The following C10orf90 variants were observed in gnomAD, a reference collection of about 807,000 sequenced individuals.
C10orf90 encodes (E2-independent) E3 ubiquitin-conjugating enzyme FATS.
A neutral mutation model predicts 62.5 loss-of-function variants in C10orf90; 56 were observed. The observed-to-expected ratio is 0.90, with a 90% CI of 0.72 to 1.12. The LOEUF (loss-of-function observed/expected upper bound fraction) is 1.12, where lower values mean the gene tolerates loss of function less well. C10orf90 is among the 50% of genes most tolerant of loss of function. The pLI, the probability that C10orf90 is intolerant of heterozygous loss-of-function variation, is 0.00. For missense variants in C10orf90, 970 were observed against 880.4 expected (o/e 1.10, Z -1.29); for synonymous variants, 386 against 340.4 (o/e 1.13, Z -1.47).
In C10orf90 at chr10:126,504,367, G is replaced by C; in HGVS notation, c.1124C>G (p.Pro375Arg). 1 of 1,614,174 alleles carries C rather than the reference G, an allele frequency of 6.2e-7. No individual in the cohort carries two copies. The highest frequency in any genetic ancestry group is 8.5e-7 in the Non-Finnish European group (1 of 1,180,048). Residue 375 changes from proline to arginine, a missense_variant, in exon 4 of 10, where the codon CCT becomes CGT. Coordinates refer to ENST00000488181, the MANE Select transcript of C10orf90 (RefSeq NM_001350921.2). This position sits in a 1 kb window ranked among gnomAD's most constrained non-coding sequence, Gnocchi z 4.1. The part of the protein sequence containing the change: ...DKSLSVPIEP[P>R]QIASPKMHRS... ...GTGCATTTTGGGGCTGGCAATTTGA[G>C]GTGGCTCAATGGGGACGGAGAGAGA...
intron 2 of C10orf90, among the ~76,000 whole-genome samples, chr10:126,572,458 A>T (rs1299197033): frequency 6.6e-6 from 1 of 152,140 alleles, no homozygotes; most frequent in Non-Finnish European, 1.5e-5. Flanking sequence ...TTTTATGGTT[A>T]TTTCTTGGTG....
At chr10:126,595,684 T>C (rs1165987954) in intron 2 of C10orf90, among the ~76,000 whole-genome samples, 1 of 152,034 alleles carries the variant, frequency 6.6e-6, no homozygotes, top group East Asian at 1.9e-4. Flanking sequence ...ACTCAGAGAC[T>C]AGACAGGATT....
intron 4 of C10orf90, among the ~76,000 whole-genome samples, chr10:126,480,921 C>T (rs1299389530): frequency 6.6e-6 from 1 of 152,166 alleles, no homozygotes; most frequent in Non-Finnish European, 1.5e-5. Flanking sequence ...GATGGCTTTT[C>T]CTCCCACCTA....
rs550061696 is a variant in C10orf90 at position 126,478,574 on chromosome 10, C to T, written c.1535-13588G>A. 2.0e-5 allele frequency among the ~76,000 whole-genome samples: 3 copies of T among 152,356 alleles called. No homozygotes were observed. In the East Asian group the frequency reaches 5.8e-4, roughly 29 times the overall value. On this transcript the variant is annotated intron_variant, in intron 4 of 9. Coordinates refer to ENST00000488181, the MANE Select transcript of C10orf90 (RefSeq NM_001350921.2). The stretch of plus-strand genomic sequence containing the variant: ...AAGGCAGGAAGCCCGTTTGCTAAAT[C>T]TTTGACCCACCTCTCACCCCCGTGC...
At chr10:126,636,949 T>C (rs1591163865) in intron 2 of C10orf90, among the ~76,000 whole-genome samples, 1 of 152,218 alleles carries the variant, frequency 6.6e-6, no homozygotes, top group East Asian at 1.9e-4. Flanking sequence ...ATACAGCCCT[T>C]GGAAGGAGTG....
intron 2 of C10orf90, among the ~76,000 whole-genome samples, chr10:126,536,532 C>T (rs1426689522): frequency 6.6e-6 from 1 of 152,116 alleles, no homozygotes; most frequent in African/African-American, 2.4e-5. Flanking sequence ...AGCTAAGCAA[C>T]CAGCTAAGAG....
At chr10:126,576,841 T>A (rs1844637472) in intron 2 of C10orf90, among the ~76,000 whole-genome samples, 1 of 149,608 alleles carries the variant, frequency 6.7e-6, no homozygotes, top group Non-Finnish European at 1.5e-5. Flanking sequence ...TCTTCTCATT[T>A]GTGGCAACAC....
At position 126,662,550 on chromosome 10, in the gene C10orf90, G is replaced by A. The variant is rs116554636; in HGVS notation, c.240+7691C>T. Among the ~76,000 whole-genome samples, 979 of 152,272 alleles carry A rather than the reference G, an allele frequency of 6.4e-3. 14 individuals are homozygous for A. The highest frequency in any genetic ancestry group is 0.022 in the African/African-American group (920 of 41,544). The stretch of plus-strand genomic sequence containing the variant: ...ATCCTGTGTCTTCTCAGCTCAGAGA[G>A]ACTACTGGGTTCTGTTTAGGTTTTC... On this transcript the variant is annotated intron_variant, in intron 1 of 9. Coordinates refer to ENST00000488181, the MANE Select transcript of C10orf90 (RefSeq NM_001350921.2).
chr10:126,477,909 T>A (rs1860974109), intron 4 of C10orf90, among the ~76,000 whole-genome samples: 1 of 152,178 alleles, frequency 6.6e-6, no homozygotes, highest in Non-Finnish European at 1.5e-5. Context: ...TTCCCATCAA[T>A]CTGTTGGAGA....
chr10:126,608,420 T>C (rs1316887145), intron 2 of C10orf90, among the ~76,000 whole-genome samples: 4 of 152,190 alleles, frequency 2.6e-5, no homozygotes, highest in Admixed American at 2.0e-4. Context: ...CCTGAATGTA[T>C]TTAATATCAC....
intron 2 of C10orf90, among the ~76,000 whole-genome samples, chr10:126,572,186 A>T (rs372968584): frequency 3.9e-5 from 6 of 152,234 alleles, no homozygotes; most frequent in African/African-American, 1.4e-4. Flanking sequence ...CTGATAAAAG[A>T]GTTTGCAGTT....
At chr10:126,627,359 T>A (rs746387479) in intron 2 of C10orf90, among the ~76,000 whole-genome samples, 1 of 152,174 alleles carries the variant, frequency 6.6e-6, no homozygotes, top group East Asian at 1.9e-4. Context: ...CTGGTTCCAC[T>A]GTAACATGTC....
chr10:126,468,104 TCGTTCTGTCA>T (rs1860386509), intron 4 of C10orf90, among the ~76,000 whole-genome samples: 2 of 151,428 alleles, frequency 1.3e-5, no homozygotes, highest in South Asian at 4.2e-4. Flanking sequence ...TGACAGAGTC[TCGTTCTGTCA>T]CCATGTTGGA....
intron 2 of C10orf90, among the ~76,000 whole-genome samples, chr10:126,579,102 T>C (rs1226285937): frequency 1.3e-5 from 2 of 151,990 alleles, no homozygotes; most frequent in Admixed American, 6.5e-5. Context: ...TCTGCTCTTA[T>C]GGGTAGACAT....
rs541616127 is a variant in C10orf90 at position 126,438,486 on chromosome 10, T to C, written c.2189-8636A>G. 1.5e-3 allele frequency among the ~76,000 whole-genome samples: 224 copies of C among 152,278 alleles called. 2 individuals carry two copies. Among genetic ancestry groups the C allele is most frequent in the African/African-American group, 5.2e-3 (215 of 41,558 alleles). On this transcript the variant is annotated intron_variant, in intron 7 of 9. Coordinates refer to ENST00000488181, the MANE Select transcript of C10orf90 (RefSeq NM_001350921.2). ...TGGCTTTTTTTTTCTGTAGGACTTA[T>C]CAGTGCTTTTAACATACACTGAGCA...
At position 126,503,930 on chromosome 10, in the gene C10orf90, C is replaced by T. The variant is rs1443402843; in HGVS notation, c.1534+27G>A. On this transcript the variant is annotated intron_variant, in intron 4 of 9. Transcript: ENST00000488181. Reference sequence around the variant, plus strand: ...TTGCTAGGACATTTACTCAGGTCACCCTCCTGCAGATGGACGCACCACTCA... The same window carrying T: ...TTGCTAGGACATTTACTCAGGTCACTCTCCTGCAGATGGACGCACCACTCA... The T allele has an allele frequency of 1.9e-6, 3 of 1,584,082 alleles. No individual in the cohort carries two copies. The East Asian group carries it at 6.7e-5, about 35-fold the overall frequency.
At chr10:126,632,136 G>A (rs1017863915) in intron 2 of C10orf90, among the ~76,000 whole-genome samples, 26 of 152,056 alleles carry the variant, frequency 1.7e-4, no homozygotes, top group African/African-American at 5.3e-4. Context: ...CATAAGTGAC[G>A]GTAAGTTTCA....
chr10:126,615,360 C>T (rs1375717434), intron 2 of C10orf90, among the ~76,000 whole-genome samples: 1 of 152,204 alleles, frequency 6.6e-6, no homozygotes, highest in East Asian at 1.9e-4. Context: ...TCTTGGATAC[C>T]CAAAACCAGC....
intron 2 of C10orf90, among the ~76,000 whole-genome samples, chr10:126,524,153 A>C (rs1006522523): frequency 1.3e-5 from 2 of 152,024 alleles, no homozygotes; most frequent in Admixed American, 1.3e-4. Context: ...TCTTGTTTTG[A>C]GAGGTGGGTG....
Sources: gnomAD v4.1 joint callset for allele counts (sites outside exome capture counted in the v4.1 genomes callset) on GRCh38, gnomAD v4.1.1 for gene constraint, Gnocchi (gnomAD v3.1) non-coding constraint, MANE v1.5 for transcripts, NCBI Gene and HGNC (gene_info 2026-07-23, HGNC 2026-07-21) for gene names.